Variants in NRXN1 observed in about 807,000 individuals in gnomAD.
The protein encoded by NRXN1 is neurexin-1.
A neutral mutation model predicts 150.9 loss-of-function variants in NRXN1; 39 were observed. The ratio of observed to expected loss-of-function variants is 0.26; its 90% CI spans 0.20 to 0.34. The LOEUF (loss-of-function observed/expected upper bound fraction) is 0.34, where lower values mean the gene tolerates loss of function less well. Ranked by LOEUF, NRXN1 falls within the 10% of genes least tolerant of loss-of-function variation. The probability of loss-of-function intolerance (pLI) is 1.00; values close to 1 mark genes in which losing one functional copy is unlikely to be tolerated. For synonymous variants in NRXN1, 924 were observed against 757.0 expected, an observed-to-expected ratio of 1.22 and a Z score of -3.62; for missense variants, 1,815 against 1,949.9, an observed-to-expected ratio of 0.93 and a Z score of 1.30.
At chr2:50,834,464 T>C (rs535360104) in intron 5 of NRXN1, among the ~76,000 whole-genome samples, 13 of 152,224 alleles carry the variant, frequency 8.5e-5, no homozygotes, top group African/African-American at 3.1e-4. Flanking sequence ...ACAATAACTA[T>C]AACAAAATTC....
intron 2 of NRXN1, among the ~76,000 whole-genome samples, chr2:50,978,751 C>T (rs1696315393): frequency 6.6e-6 from 1 of 151,978 alleles, no homozygotes; most frequent in Non-Finnish European, 1.5e-5. Context: ...AATCACTTCA[C>T]ACTTCTTTGT....
At chr2:50,380,680 C>T (rs758566015) in intron 17 of NRXN1, among the ~76,000 whole-genome samples, 4 of 151,992 alleles carry the variant, frequency 2.6e-5, no homozygotes, top group South Asian at 2.1e-4. Context: ...ATAATGTGCA[C>T]TCAATAAATG....
chr2:50,721,350 T>C (rs1302350098), intron 5 of NRXN1, among the ~76,000 whole-genome samples: 1 of 152,198 alleles, frequency 6.6e-6, no homozygotes, highest in Non-Finnish European at 1.5e-5. Flanking sequence ...TACTGGGCTC[T>C]AGAAAGCATT....
At chr2:51,003,752 G>T (rs142418956) in intron 2 of NRXN1, among the ~76,000 whole-genome samples, 1 of 151,920 alleles carries the variant, frequency 6.6e-6, no homozygotes, top group African/African-American at 2.4e-5. Context: ...GGAAGCAAAG[G>T]AGAGGGGGAG....
intron 5 of NRXN1, among the ~76,000 whole-genome samples, chr2:50,830,009 A>G (rs1468739964): frequency 1.8e-4 from 13 of 70,494 alleles, no homozygotes; most frequent in Admixed American, 1.0e-3. Context: ...GAAAAAAAAA[A>G]AAAAAAAAAA....
chr2:51,026,451 T>G, intron 2 of NRXN1: 1 of 1,602,660 alleles, frequency 6.2e-7, no homozygotes, highest in Non-Finnish European at 8.5e-7. Context: ...CAAAACACAC[T>G]GAAGACCGAA....
At chr2:51,000,875 T>A (rs7564475) in intron 2 of NRXN1, among the ~76,000 whole-genome samples, 59,728 of 151,438 alleles carry the variant, frequency 0.39, 12,143 homozygotes, top group African/African-American at 0.5. Context: ...AAATATAGAG[T>A]GAACACTACT....
At chr2:50,966,955 T>G (rs1159062418) in intron 2 of NRXN1, among the ~76,000 whole-genome samples, 2 of 152,046 alleles carry the variant, frequency 1.3e-5, no homozygotes, top group East Asian at 1.9e-4. Context: ...AACTGCAGGC[T>G]TTGCTTTGGC....
intron 21 of NRXN1, among the ~76,000 whole-genome samples, chr2:49,993,766 C>G (rs1363031): frequency 0.47 from 71,881 of 151,938 alleles, 17,589 homozygotes; most frequent in Middle Eastern, 0.6. Context: ...AATAGAAAAA[C>G]GTAAGGCAAT....
At chr2:50,246,240 A>G (rs989371196) in intron 17 of NRXN1, among the ~76,000 whole-genome samples, 6 of 152,060 alleles carry the variant, frequency 3.9e-5, no homozygotes, top group Non-Finnish European at 5.9e-5. Context: ...CCAAAGCTAC[A>G]GAAGACAAAT....
intron 18 of NRXN1, among the ~76,000 whole-genome samples, chr2:50,160,997 G>A (rs1009515869): frequency 6.6e-6 from 1 of 151,900 alleles, no homozygotes; most frequent in East Asian, 1.9e-4. Flanking sequence ...GAGACATTAG[G>A]CTATTGGTCA....
At chr2:50,627,376 TG>T (rs1681317455) in intron 5 of NRXN1, among the ~76,000 whole-genome samples, 1 of 151,138 alleles carries the variant, frequency 6.6e-6, no homozygotes, top group African/African-American at 2.4e-5. Flanking sequence ...TGTGTGTGTG[TG>T]TGTGTGTGTG....
At chr2:50,837,342 A>G (rs1205018677) in intron 5 of NRXN1, among the ~76,000 whole-genome samples, 1 of 152,174 alleles carries the variant, frequency 6.6e-6, no homozygotes, top group East Asian at 1.9e-4. Context: ...CTTTCTTTGC[A>G]TTTGCTTGAG....
At position 50,465,579 on chromosome 2, in the gene NRXN1, G is replaced by A. The variant is rs1381725527; in HGVS notation, c.3245-18C>T. The stretch of plus-strand genomic sequence containing the variant: ...GCTGGGCCCTGCAAAACAATCCAAA[G>A]GAAACTTGGGTTCTTTAAAAGAATC... On this transcript the variant is annotated intron_variant, in intron 16 of 22. Coordinates refer to ENST00000401669, the MANE Select transcript of NRXN1 (RefSeq NM_001330078.2). 1.3e-6 allele frequency: 2 copies of A among 1,589,554 alleles called. No individual in the cohort carries two copies. The highest frequency in any genetic ancestry group is 2.3e-5 in the East Asian group (1 of 44,130).
intron 21 of NRXN1, among the ~76,000 whole-genome samples, chr2:50,005,758 G>A (rs1684661296): frequency 6.6e-6 from 1 of 152,036 alleles, no homozygotes; most frequent in Non-Finnish European, 1.5e-5. Context: ...ATTACCTTCT[G>A]CACCAAATTC....
intron 21 of NRXN1, among the ~76,000 whole-genome samples, chr2:49,985,582 G>A (rs1680766115): frequency 6.6e-6 from 1 of 152,200 alleles, no homozygotes; most frequent in African/African-American, 2.4e-5. Flanking sequence ...GAAGTCATTA[G>A]TGTGCACTGA....
intron 18 of NRXN1, among the ~76,000 whole-genome samples, chr2:50,170,243 G>C (rs1376801319): frequency 1.3e-5 from 2 of 151,726 alleles, no homozygotes; most frequent in African/African-American, 4.8e-5. Flanking sequence ...AAAATTTTTT[G>C]AACACCAGAA....
At chr2:50,743,103 T>C (rs575114479) in intron 5 of NRXN1, among the ~76,000 whole-genome samples, 7 of 152,184 alleles carry the variant, frequency 4.6e-5, no homozygotes, top group South Asian at 2.1e-4. Context: ...ATTAGAACAT[T>C]TAAATATTTT....
intron 21 of NRXN1, among the ~76,000 whole-genome samples, chr2:50,039,381 G>T (rs552865089): frequency 6.6e-6 from 1 of 152,200 alleles, no homozygotes; most frequent in East Asian, 1.9e-4. Flanking sequence ...CAGGATAATC[G>T]CTTGAACCTG....
Sources: allele counts gnomAD v4.1 joint callset (sites outside exome capture counted in the v4.1 genomes callset), GRCh38; gene constraint gnomAD v4.1.1; transcripts MANE v1.5; gene names NCBI Gene and HGNC (gene_info 2026-07-23, HGNC 2026-07-21).